PCDHGC4: variants seen among roughly 807,000 people sequenced by gnomAD.
PCDHGC4 encodes protocadherin gamma-C4.
Under a neutral mutation model 59.7 loss-of-function variants are expected in PCDHGC4, and 15 were observed. The ratio of observed to expected loss-of-function variants is 0.25; its 90% CI spans 0.17 to 0.39. The LOEUF is 0.39. Ranked by LOEUF, PCDHGC4 falls within the 10% of genes least tolerant of loss-of-function variation. The probability of loss-of-function intolerance (pLI) is 1.00; values close to 1 mark genes in which losing one functional copy is unlikely to be tolerated. For synonymous variants in PCDHGC4, 434 were observed against 481.4 expected, an observed-to-expected ratio of 0.90 and a Z score of 1.29; for missense variants, 1,016 against 1,189.5, an observed-to-expected ratio of 0.85 and a Z score of 2.15.
rs1446853595 is a variant in PCDHGC4, at chr5:141,491,363, C to T, written c.2443-3444C>T. ...ACCGTCAGTCTCTTATCCCTAGTCA[C>T]CTTCACCTTTCTGTCAGCGAAGTGC... On this transcript the variant is annotated intron_variant, in intron 1 of 3. Coordinates refer to ENST00000306593, the MANE Select transcript of PCDHGC4 (RefSeq NM_018928.3). This position sits in a 1 kb window ranked among gnomAD's most constrained non-coding sequence, Gnocchi z 6.9. The T allele has an allele frequency of 6.2e-7, 1 of 1,614,182 alleles. No individual in the cohort carries two copies. Among genetic ancestry groups the T allele is most frequent in the South Asian group, 1.1e-5 (1 of 91,082 alleles).
In PCDHGC4 at chr5:141,491,723, G is replaced by A. The variant is rs764792125; in HGVS notation, c.2443-3084G>A. The A allele has an allele frequency of 1.7e-5, 27 of 1,606,770 alleles. No individual in the cohort carries two copies. In the African/African-American group the frequency reaches 3.2e-4, roughly 19 times the overall value. On this transcript the variant is annotated intron_variant, in intron 1 of 3. Coordinates refer to ENST00000306593, the MANE Select transcript of PCDHGC4 (RefSeq NM_018928.3). The surrounding 1 kb of genome is among the most constrained non-coding windows in gnomAD (Gnocchi z 6.9). The stretch of plus-strand genomic sequence containing the variant: ...CAGGTGAGGGGCTCGGCGCCGCCCC[G>A]GGCGACCCCTGGGGGCGGCACTGGA...
At position 141,494,824 on chromosome 5, in the gene PCDHGC4, G is replaced by C; in HGVS notation, c.2460G>C (p.Thr820=). 6.2e-7 allele frequency: 1 copy of C among 1,614,042 alleles called. No individual in the cohort carries two copies. Among genetic ancestry groups the C allele is most frequent in the East Asian group, 2.2e-5 (1 of 44,866 alleles). The change falls in exon 2 of 4, where the codon ACG becomes ACC. Residue 820 remains threonine, a synonymous_variant. Transcript: ENST00000306593. The part of the protein sequence containing the change: ...LYGLEQAPPN[T]DWRFSQAQRP... ...CTCCACAGCAAGCCCCGCCCAACAC[G>C]GACTGGCGTTTCTCTCAGGCCCAGA...
At chr5:141,492,195 CTT>C (rs1240529719) in intron 1 of PCDHGC4, among the ~76,000 whole-genome samples, 1 of 152,242 alleles carries the variant, frequency 6.6e-6, no homozygotes, top group Non-Finnish European at 1.5e-5. Context: ...GTCTGCGGGA[CTT>C]AGGTGTGCGC....
At position 141,492,010 on chromosome 5, in the gene PCDHGC4, G is replaced by A. The variant is rs2099736138; in HGVS notation, c.2443-2797G>A. 2 of 617,370 alleles carry A rather than the reference G, an allele frequency of 3.2e-6. 1 individual carries two copies. Among genetic ancestry groups the A allele is most frequent in the Middle Eastern group, 8.7e-4 (2 of 2,312 alleles). The allele number at this position is 617,370 out of a possible 1,614,324, so 38.2% of individuals were successfully genotyped here. On this transcript the variant is annotated intron_variant, in intron 1 of 3. Transcript: ENST00000306593. Reference sequence around the variant, plus strand: ...GGTGAATTTCGGGCGATTTCCGCGGGTGTCGGGGGTCCCGGGAGGAGGCAG... The same window carrying A: ...GGTGAATTTCGGGCGATTTCCGCGGATGTCGGGGGTCCCGGGAGGAGGCAG...
intron 2 of PCDHGC4, among the ~76,000 whole-genome samples, chr5:141,497,212 G>A (rs968445663): frequency 6.6e-6 from 1 of 150,900 alleles, no homozygotes; most frequent in Non-Finnish European, 1.5e-5. Flanking sequence ...AGTGTAATGG[G>A]GGGGGGAAGA....
intron 3 of PCDHGC4, among the ~76,000 whole-genome samples, chr5:141,509,807 C>T (rs369661041): frequency 2.0e-5 from 3 of 152,104 alleles, no homozygotes; most frequent in Non-Finnish European, 4.4e-5. Context: ...TTCATAGAGC[C>T]GAGCTCTTCT....
Position 141,491,663 on chromosome 5 carries a change from T to G in PCDHGC4, c.2443-3144T>G, listed in dbSNP as rs895604632. ...GCTCTGGCGCTGGAGCCTGACGCCA[T>G]CCGGTCCCGCTCTAATACGCTGCGG... On this transcript the variant is annotated intron_variant, in intron 1 of 3. Coordinates refer to ENST00000306593, the MANE Select transcript of PCDHGC4 (RefSeq NM_018928.3). The surrounding 1 kb of genome is among the most constrained non-coding windows in gnomAD (Gnocchi z 6.9). The G allele has an allele frequency of 3.1e-6, 5 of 1,613,650 alleles. No homozygotes were observed. Among genetic ancestry groups the G allele is most frequent in the Non-Finnish European group, 4.2e-6 (5 of 1,180,014 alleles).
chr5:141,509,292 T>A (rs1407798154), intron 3 of PCDHGC4, among the ~76,000 whole-genome samples: 1 of 152,028 alleles, frequency 6.6e-6, no homozygotes, highest in Non-Finnish European at 1.5e-5. Context: ...GGGTCCAGGG[T>A]GGAGGCAGAG....
At position 141,512,114 on chromosome 5, in the gene PCDHGC4, C is replaced by T. The variant is rs2099884080; in HGVS notation, c.*941C>T. ...TAACTAGGCTGGACCCTTCCCACTA[C>T]ATAATAGGGCTCAGCCCAGGCAGCC... On this transcript the variant is annotated 3_prime_UTR_variant, in exon 4 of 4. Coordinates refer to ENST00000306593, the MANE Select transcript of PCDHGC4 (RefSeq NM_018928.3). 2 of 152,696 alleles carry T rather than the reference C, an allele frequency of 1.3e-5. No homozygotes were observed. Among genetic ancestry groups the T allele is most frequent in the African/African-American group, 4.8e-5 (2 of 41,468 alleles). 9.5% of individuals were successfully genotyped at this position (152,696 alleles called of 1,614,324 possible).
chr5:141,510,272 TAAA>T (rs546154379), intron 3 of PCDHGC4, among the ~76,000 whole-genome samples: 2 of 130,370 alleles, frequency 1.5e-5, no homozygotes, highest in Non-Finnish European at 3.3e-5. Context: ...GACTCCATCT[TAAA>T]AAAAAAAAAA....
At position 141,485,305 on chromosome 5, in the gene PCDHGC4, T is replaced by C. The variant is rs1344645695; in HGVS notation, c.132T>C (p.Phe44=). The C allele has an allele frequency of 3.7e-6, 6 of 1,614,000 alleles. No individual in the cohort carries two copies. In the East Asian group the frequency reaches 1.3e-4, roughly 36 times the overall value. Reference sequence around the variant, plus strand: ...CAGAGGAGTCACAGGAAGGGACTTTTGTAGGGAATGTCGCTCAAGATTTCC... The same window carrying C: ...CAGAGGAGTCACAGGAAGGGACTTTCGTAGGGAATGTCGCTCAAGATTTCC... ...PVPEESQEGT[F]VGNVAQDFLL... is the part of the protein sequence containing the mutation. Residue 44 remains phenylalanine, a synonymous_variant, in exon 1 of 4, where the codon TTT becomes TTC. Coordinates refer to ENST00000306593, the MANE Select transcript of PCDHGC4 (RefSeq NM_018928.3). This position sits in a 1 kb window ranked among gnomAD's most constrained non-coding sequence, Gnocchi z 5.7.
rs1354360582 is a variant in PCDHGC4 at position 141,491,147 on chromosome 5, A to T, written c.2442+3532A>T. On this transcript the variant is annotated intron_variant, in intron 1 of 3. Transcript: ENST00000306593. The surrounding 1 kb of genome is among the most constrained non-coding windows in gnomAD (Gnocchi z 6.9). ...GTGCGCACAGCCCGGGCCTTACTGG[A>T]GGATGACTCTGACACCCAGCAGGTG... The T allele has an allele frequency of 1.9e-6, 3 of 1,613,980 alleles. No homozygotes were observed. The highest frequency in any genetic ancestry group is 2.5e-6 in the Non-Finnish European group (3 of 1,179,994).
intron 2 of PCDHGC4, among the ~76,000 whole-genome samples, chr5:141,503,010 A>T (rs1595838084): frequency 6.8e-6 from 1 of 146,772 alleles, no homozygotes; most frequent in East Asian, 2.0e-4. Context: ...TGCCCGGTTA[A>T]TTTTTTTTTT....
chr5:141,494,182 C>A (rs188628485), intron 1 of PCDHGC4, among the ~76,000 whole-genome samples: 1 of 152,126 alleles, frequency 6.6e-6, no homozygotes, highest in Non-Finnish European at 1.5e-5. Context: ...AGAAGTGTCC[C>A]GGGACTTGGA....
intron 2 of PCDHGC4, among the ~76,000 whole-genome samples, chr5:141,503,824 C>G (rs1216231770): frequency 1.3e-5 from 2 of 152,058 alleles, no homozygotes; most frequent in South Asian, 4.1e-4. Context: ...TTGGGCAAAA[C>G]CAAAAGCAGG....
chr5:141,493,979 C>T lies in PCDHGC4; in HGVS notation c.2443-828C>T, dbSNP rs1273325447. ...GAAGTGGCTGGCCAGAGCCCCACAC[C>T]TTCAGCTAGGTGGGAGATGGCTACA... is the stretch of plus-strand genomic sequence containing the variant. On this transcript the variant is annotated intron_variant, in intron 1 of 3. Coordinates refer to ENST00000306593, the MANE Select transcript of PCDHGC4 (RefSeq NM_018928.3). The surrounding 1 kb of genome is among the most constrained non-coding windows in gnomAD (Gnocchi z 4.3). Among the ~76,000 whole-genome samples, 1 of 152,182 alleles carries T rather than the reference C, an allele frequency of 6.6e-6. No individual in the cohort carries two copies. Among genetic ancestry groups the T allele is most frequent in the Non-Finnish European group, 1.5e-5 (1 of 68,032 alleles).
At position 141,487,080 on chromosome 5, in the gene PCDHGC4, C is replaced by G. The variant is rs2154580766; in HGVS notation, c.1907C>G (p.Ala636Gly). 1 of 1,614,126 alleles carries G rather than the reference C, an allele frequency of 6.2e-7. No individual in the cohort carries two copies. Among genetic ancestry groups the G allele is most frequent in the East Asian group, 2.2e-5 (1 of 44,872 alleles). The change falls in exon 1 of 4, where the codon GCT becomes GGT. Residue 636 changes from alanine (A) to glycine (G), a missense_variant. Coordinates refer to ENST00000306593, the MANE Select transcript of PCDHGC4 (RefSeq NM_018928.3). This position sits in a 1 kb window ranked among gnomAD's most constrained non-coding sequence, Gnocchi z 5.0. ...GEVRTAVPIP[A>G]DLPPQKLVIV... ...GTGCGGACGGCTGTTCCTATCCCAG[C>G]TGACCTCCCACCACAGAAGCTGGTC...
In PCDHGC4 at chr5:141,489,091, T is replaced by TCAG. The variant is rs2099682519; in HGVS notation, c.2442+1476_2442+1477insCAG. On this transcript the variant is annotated intron_variant, in intron 1 of 3. Transcript: ENST00000306593. This position sits in a 1 kb window ranked among gnomAD's most constrained non-coding sequence, Gnocchi z 4.5. ...CTGCCCACCCCCGCCACTCGGTGACTAAGAACTGCTGCAAGCAGGCAAACC... is the reference window on the plus strand; with the variant it reads ...CTGCCCACCCCCGCCACTCGGTGACTCAGAAGAACTGCTGCAAGCAGGCAAACC... The TCAG allele has an allele frequency of 3.0e-6, 1 of 333,056 alleles. No individual in the cohort carries two copies. Among genetic ancestry groups the TCAG allele is most frequent in the Non-Finnish European group, 5.5e-6 (1 of 181,380 alleles). 20.6% of individuals were successfully genotyped at this position (333,056 alleles called of 1,614,324 possible). A position where few individuals can be genotyped will look rare whatever the true frequency, so the allele number is the denominator to read the frequency against.
At chr5:141,508,483 G>T (rs1186425031) in intron 3 of PCDHGC4, among the ~76,000 whole-genome samples, 2 of 152,154 alleles carry the variant, frequency 1.3e-5, no homozygotes, top group East Asian at 3.9e-4. Context: ...TTACATTCTG[G>T]ATTTCCATAT....
Sources: gnomAD v4.1 joint callset for allele counts (sites outside exome capture counted in the v4.1 genomes callset) on GRCh38, gnomAD v4.1.1 for gene constraint, Gnocchi (gnomAD v3.1) non-coding constraint, MANE v1.5 for transcripts, NCBI Gene and HGNC (gene_info 2026-07-23, HGNC 2026-07-21) for gene names.